Variants in SLC17A9 observed in about 807,000 individuals in gnomAD.
SLC17A9 encodes the protein voltage-gated purine nucleotide uniporter SLC17A9.
Under a neutral mutation model 55.0 loss-of-function variants are expected in SLC17A9, and 49 were observed. The ratio of observed to expected loss-of-function variants is 0.89; its 90% CI spans 0.71 to 1.13. The LOEUF (loss-of-function observed/expected upper bound fraction) is 1.13. Among genes scored for constraint, SLC17A9 ranks in the 50% most tolerant of loss-of-function variants. The pLI, the probability that SLC17A9 is intolerant of heterozygous loss-of-function variation, is 0.00. For synonymous variants in SLC17A9, 256 were observed against 247.4 expected, an observed-to-expected ratio of 1.03 and a Z score of -0.32; for missense variants, 526 against 569.3, an observed-to-expected ratio of 0.92 and a Z score of 0.77.
intron 6 of SLC17A9, 65 bp from the exon 7 acceptor site, chr20:62,963,519 T>C (rs2065607160): frequency 1.5e-5 from 23 of 1,536,332 alleles, no homozygotes; most frequent in Admixed American, 3.9e-5. Flanking sequence ...CCTCTCGGGG[T>C]GGGTCCCACA....
rs760340208 is a variant in SLC17A9 at position 62,966,497 on chromosome 20, C to A, written c.1062-28C>A. 5.6e-6 allele frequency: 9 copies of A among 1,612,482 alleles called. No individual in the cohort carries two copies. In the Admixed American group the frequency reaches 1.3e-4, roughly 24 times the overall value. On this transcript the variant is annotated intron_variant, in intron 10 of 12. Coordinates refer to ENST00000370351, the MANE Select transcript of SLC17A9 (RefSeq NM_022082.4). ...CCACCAGCTCGGTGGTGGCCAGGGC[C>A]ACTCACCACCCTCTTTCCTCCCCAC...
Position 62,966,684 on chromosome 20 carries a change from C to T in SLC17A9, c.1118-19C>T, listed in dbSNP as rs757781375. On this transcript the variant is annotated intron_variant, in intron 11 of 12. Coordinates refer to ENST00000370351, the MANE Select transcript of SLC17A9 (RefSeq NM_022082.4). The stretch of plus-strand genomic sequence containing the variant: ...TTTGCTGACCATCCATATTCTCTCT[C>T]GCTCTGGCCTCTTCACAGGTGTGGC... 20 of 1,613,762 alleles carry T rather than the reference C, an allele frequency of 1.2e-5. No homozygotes were observed. The highest frequency in any genetic ancestry group is 1.5e-5 in the Non-Finnish European group (18 of 1,179,934).
rs1433754479 is a variant in SLC17A9, at chr20:62,963,452, C to G, written c.725+83C>G. ...TGTGAACCTGGCCGGACCTGACAGCCCTTGAGCCAGCAGGGCCTAGGGCTC... is the reference window on the plus strand; with the variant it reads ...TGTGAACCTGGCCGGACCTGACAGCGCTTGAGCCAGCAGGGCCTAGGGCTC... On this transcript the variant is annotated intron_variant, in intron 6 of 12. Transcript: ENST00000370351. 3.3e-5 allele frequency: 51 copies of G among 1,527,120 alleles called. 1 individual carries two copies. In the Admixed American group the frequency reaches 9.1e-4, roughly 27 times the overall value. The allele number at this position is 1,527,120 out of a possible 1,614,324, so 94.6% of individuals were successfully genotyped here. A position where few individuals can be genotyped will look rare whatever the true frequency, so the allele number is the denominator to read the frequency against.
intron 4 of SLC17A9, among the ~76,000 whole-genome samples, chr20:62,961,763 C>T (rs1260620666): frequency 1.3e-5 from 2 of 152,220 alleles, no homozygotes; most frequent in African/African-American, 2.4e-5. Context: ...ATCCTCACTT[C>T]TCCGAAACCC....
intron 3 of SLC17A9, among the ~76,000 whole-genome samples, chr20:62,959,073 C>T (rs915853703): frequency 6.6e-6 from 1 of 152,116 alleles, no homozygotes; most frequent in Non-Finnish European, 1.5e-5. Flanking sequence ...GGAGGACAGG[C>T]CTGGCGGGGG....
intron 1 of SLC17A9, among the ~76,000 whole-genome samples, chr20:62,954,750 G>A (rs1050182668): frequency 3.7e-4 from 56 of 152,368 alleles, no homozygotes; most frequent in African/African-American, 1.3e-3. Context: ...AGAAGGGGCT[G>A]TGGCTGCCGC....
Position 62,964,241 on chromosome 20 carries a change from A to T in SLC17A9, c.836A>T (p.Asn279Ile). Residue 279 changes from asparagine to isoleucine, a missense_variant, in exon 8 of 13, where the codon AAC becomes ATC. By Grantham distance (149) the Asn-to-Ile change is moderately radical. Transcript: ENST00000370351. ...TFPDAKGWIF[N>I]VVPWLVAIPA... Reference sequence around the variant, plus strand: ...TCCCCCCTGCAGGGCTGGATCTTCAACGTGGTTCCTTGGTTGGTGGCGATT... The same window carrying T: ...TCCCCCCTGCAGGGCTGGATCTTCATCGTGGTTCCTTGGTTGGTGGCGATT... 6.2e-7 allele frequency: 1 copy of T among 1,614,118 alleles called. No homozygotes were observed. The highest frequency in any genetic ancestry group is 1.1e-5 in the South Asian group (1 of 91,084).
rs1215006515 is a variant in SLC17A9 at position 62,952,806 on chromosome 20, A to G, written c.-25A>G. The G allele has an allele frequency of 1.3e-6, 2 of 1,529,438 alleles. No homozygotes were observed. The highest frequency in any genetic ancestry group is 1.8e-6 in the Non-Finnish European group (2 of 1,142,126). 94.7% of individuals were successfully genotyped at this position (1,529,438 alleles called of 1,614,324 possible). On this transcript the variant is annotated 5_prime_UTR_variant, in exon 1 of 13. Coordinates refer to ENST00000370351, the MANE Select transcript of SLC17A9 (RefSeq NM_022082.4). ...GCAGCCCCGGGACACAGCTGTGCCC[A>G]CGCCGTCTGAGCACCCCAAGCCCGA...
Position 62,966,505 on chromosome 20 carries a change from A to G in SLC17A9, c.1062-20A>G. The G allele has an allele frequency of 5.0e-6, 8 of 1,612,836 alleles. No homozygotes were observed. Among genetic ancestry groups the G allele is most frequent in the Non-Finnish European group, 6.8e-6 (8 of 1,179,462 alleles). ...TCGGTGGTGGCCAGGGCCACTCACC[A>G]CCCTCTTTCCTCCCCACAGTGGCAT... is the stretch of plus-strand genomic sequence containing the variant. On this transcript the variant is annotated intron_variant, in intron 10 of 12. Transcript: ENST00000370351.
At chr20:62,960,424 C>A in intron 3 of SLC17A9, 80 bp from the exon 4 acceptor site, 1 of 1,364,876 alleles carries the variant, frequency 7.3e-7, no homozygotes, top group Non-Finnish European at 1.0e-6. Context: ...CCTCTGGAAT[C>A]ACAGCCCAAA....
At chr20:62,957,751 AGTGT>A (rs1206192671) in intron 3 of SLC17A9, among the ~76,000 whole-genome samples, 171 bp downstream of exon 3, 4 of 143,028 alleles carry the variant, frequency 2.8e-5, no homozygotes, top group African/African-American at 5.2e-5. Flanking sequence ...TGCGTGTGTA[AGTGT>A]GTGTATGGCA....
intron 3 of SLC17A9, 92 bp from the exon 4 acceptor site, chr20:62,960,412 G>C (rs948308664): frequency 5.8e-6 from 7 of 1,200,060 alleles, no homozygotes; most frequent in South Asian, 2.7e-5. Context: ...ACAGGTGGAC[G>C]TCCTCTGGAA....
Position 62,962,942 on chromosome 20 carries a change from T to C in SLC17A9, c.628+188T>C, listed in dbSNP as rs1032315733. ...AGCGGCTCCGCCACCCAATTCGATC[T>C]GGAAGGTTCCATCTAGGGCTAAGGC... On this transcript the variant is annotated intron_variant, in intron 5 of 12. Coordinates refer to ENST00000370351, the MANE Select transcript of SLC17A9 (RefSeq NM_022082.4). This position sits in a 1 kb window ranked among gnomAD's most constrained non-coding sequence, Gnocchi z 5.5. 2.4e-6 allele frequency: 2 copies of C among 826,296 alleles called. No homozygotes were observed. The highest frequency in any genetic ancestry group is 5.8e-5 in the Admixed American group (2 of 34,660). The allele number at this position is 826,296 out of a possible 1,614,324, so 51.2% of individuals were successfully genotyped here.
intron 9 of SLC17A9, 125 bp from the exon 10 acceptor site, chr20:62,965,485 T>G (rs962227850): frequency 2.2e-6 from 2 of 891,654 alleles, no homozygotes; most frequent in Non-Finnish European, 3.5e-6. Context: ...GAGAGAAGTT[T>G]GTGGTCGCAG....
At chr20:62,965,054 C>T in intron 8 of SLC17A9, 78 bp from the exon 9 acceptor site, 12 of 1,553,354 alleles carry the variant, frequency 7.7e-6, no homozygotes, top group Non-Finnish European at 1.1e-5. Flanking sequence ...CCCTCTGCAG[C>T]CATTCGGGAT....
In SLC17A9 at chr20:62,968,639, C is replaced by T. The variant is rs1030871921; in HGVS notation, c.*1139C>T. The T allele has an allele frequency of 6.8e-6, 1 of 148,094 alleles. No homozygotes were observed. Among genetic ancestry groups the T allele is most frequent in the Admixed American group, 6.9e-5 (1 of 14,482 alleles). The allele number at this position is 148,094 out of a possible 1,614,324, so 9.2% of individuals were successfully genotyped here. On this transcript the variant is annotated 3_prime_UTR_variant, in exon 13 of 13. Transcript: ENST00000370351. Reference sequence around the variant, plus strand: ...AACACCTTTGTTTTTTAAGAATGAACACGTGTTAAAGACTTTCTGTAACTA... The same window carrying T: ...AACACCTTTGTTTTTTAAGAATGAATACGTGTTAAAGACTTTCTGTAACTA...
intron 1 of SLC17A9, among the ~76,000 whole-genome samples, chr20:62,954,699 G>A (rs1441228260): frequency 6.6e-6 from 1 of 152,220 alleles, no homozygotes; most frequent in African/African-American, 2.4e-5. Context: ...TGTGGAGGGT[G>A]CCCCTGTGCC....
intron 7 of SLC17A9, 151 bp downstream of exon 7, chr20:62,963,831 G>T: frequency 1.4e-6 from 1 of 715,592 alleles, no homozygotes. Flanking sequence ...CTCTTCCTCT[G>T]GAGAGGACCC....
chr20:62,953,389 G>A (rs2065508994), intron 1 of SLC17A9: 1 of 1,282,310 alleles, frequency 7.8e-7, no homozygotes, highest in Non-Finnish European at 1.1e-6. Context: ...GGAGCATTTG[G>A]TGGTGGGGAG....
Sources: allele counts gnomAD v4.1 joint callset (sites outside exome capture counted in the v4.1 genomes callset), GRCh38; gene constraint gnomAD v4.1.1; non-coding constraint Gnocchi (gnomAD v3.1); transcripts MANE v1.5; gene names NCBI Gene and HGNC (gene_info 2026-07-23, HGNC 2026-07-21).